CSGALNACT1: variants seen among roughly 807,000 people sequenced by gnomAD.
CSGALNACT1 encodes the protein chondroitin sulfate N-acetylgalactosaminyltransferase 1, also known as beta4GalNAcT-1.
Under a neutral mutation model 51.0 loss-of-function variants are expected in CSGALNACT1, and 52 were observed. That is an observed-to-expected ratio of 1.02 (90% CI 0.82 to 1.29). The LOEUF is 1.29. CSGALNACT1 is among the 50% of genes most tolerant of loss of function. The pLI is 0.00. For synonymous variants in CSGALNACT1, 341 were observed against 254.4 expected (o/e 1.34, Z -3.24); for missense variants, 935 against 679.2 (o/e 1.38, Z -4.19).
intron 1 of CSGALNACT1, among the ~76,000 whole-genome samples, chr8:19,643,117 T>G (rs117026322): frequency 0.032 from 4,896 of 152,128 alleles, 108 homozygotes; most frequent in Non-Finnish European, 0.049. Flanking sequence ...AATTTACCTT[T>G]ATATAGTAAG....
At chr8:19,493,605 G>C (rs1249448195) in intron 4 of CSGALNACT1, among the ~76,000 whole-genome samples, 1 of 152,140 alleles carries the variant, frequency 6.6e-6, no homozygotes, top group Admixed American at 6.5e-5. Context: ...TGTAGTCTTT[G>C]ACATCTGGTT....
intron 1 of CSGALNACT1, among the ~76,000 whole-genome samples, chr8:19,713,403 C>A (rs1437475703): frequency 6.6e-6 from 1 of 152,100 alleles, no homozygotes; most frequent in East Asian, 1.9e-4. Flanking sequence ...GGGATGAAGA[C>A]TTAGTAAGTG....
intron 1 of CSGALNACT1, among the ~76,000 whole-genome samples, chr8:19,657,841 A>G (rs1247016637): frequency 6.6e-6 from 1 of 152,106 alleles, no homozygotes; most frequent in Non-Finnish European, 1.5e-5. Context: ...CCACTGGGAA[A>G]ATAAGTGGAG....
chr8:19,444,878 G>A (rs2061870861), intron 5 of CSGALNACT1, among the ~76,000 whole-genome samples: 1 of 152,120 alleles, frequency 6.6e-6, no homozygotes. Context: ...AGTGAAGGAG[G>A]GATAAAGTTT....
In CSGALNACT1 at chr8:19,554,875, G is replaced by T. The variant is rs4344101; in HGVS notation, c.-297+36285C>A. Among the ~76,000 whole-genome samples the T allele has an allele frequency of 4.0e-4, 61 of 151,948 alleles. 1 individual carries two copies. The highest frequency in any genetic ancestry group is 1.2e-3 in the Admixed American group (18 of 15,256). On this transcript the variant is annotated intron_variant, in intron 3 of 9. Coordinates refer to ENST00000454498, the Ensembl canonical transcript of CSGALNACT1. ...GGCAGTTGCAGTGAGCCAAGATCCCGCCACTGCATTGCAGCCTGGGTGACA... is the reference window on the plus strand; with the variant it reads ...GGCAGTTGCAGTGAGCCAAGATCCCTCCACTGCATTGCAGCCTGGGTGACA...
At chr8:19,523,445 C>G (rs1043175981) in intron 3 of CSGALNACT1, among the ~76,000 whole-genome samples, 1 of 150,944 alleles carries the variant, frequency 6.6e-6, no homozygotes, top group South Asian at 2.1e-4. Flanking sequence ...TTTTTTTTTA[C>G]TTTTTGTGGA....
At chr8:19,521,334 A>G (rs1430573841) in intron 3 of CSGALNACT1, among the ~76,000 whole-genome samples, 1 of 152,170 alleles carries the variant, frequency 6.6e-6, no homozygotes, top group Non-Finnish European at 1.5e-5. Flanking sequence ...TACAGCACTA[A>G]AGACAGAGGA....
chr8:19,524,505 G>C (rs2081302121), intron 3 of CSGALNACT1, among the ~76,000 whole-genome samples: 1 of 151,952 alleles, frequency 6.6e-6, no homozygotes, highest in Admixed American at 6.6e-5. Flanking sequence ...CCCAGGGCAA[G>C]GTGAAAATAC....
intron 5 of CSGALNACT1, among the ~76,000 whole-genome samples, chr8:19,452,520 G>A (rs2063359246): frequency 1.3e-5 from 2 of 151,976 alleles, no homozygotes; most frequent in Non-Finnish European, 2.9e-5. Flanking sequence ...GAGGAGAAGG[G>A]ATGAGACATG....
intron 1 of CSGALNACT1, among the ~76,000 whole-genome samples, chr8:19,648,881 G>A (rs915019143): frequency 1.3e-5 from 2 of 152,064 alleles, no homozygotes; most frequent in South Asian, 2.1e-4. Context: ...TCCATGAAAC[G>A]GAATACAGTA....
chr8:19,688,427 C>A (rs1004218103), intron 1 of CSGALNACT1, among the ~76,000 whole-genome samples: 1 of 152,118 alleles, frequency 6.6e-6, no homozygotes. Context: ...CAAGGGGTCA[C>A]GCAGGTGGTG....
chr8:19,603,507 TGCAGTTG>T (rs2050881727), upstream of CSGALNACT1, among the ~76,000 whole-genome samples: 1 of 152,210 alleles, frequency 6.6e-6, no homozygotes, highest in African/African-American at 2.4e-5. Context: ...TACACCAAAT[TGCAGTTG>T]GCAGCAACGC....
At chr8:19,681,681 G>A (rs2060630599) in intron 1 of CSGALNACT1, among the ~76,000 whole-genome samples, 1 of 152,166 alleles carries the variant, frequency 6.6e-6, no homozygotes, top group Admixed American at 6.5e-5. Flanking sequence ...CACCTCATCT[G>A]GCCTGGATGT....
intron 1 of CSGALNACT1, among the ~76,000 whole-genome samples, chr8:19,741,550 G>C (rs1331971997): frequency 8.5e-6 from 1 of 118,172 alleles, no homozygotes; most frequent in East Asian, 2.4e-4. Context: ...GCGAAAGAGT[G>C]AGACTCCATC....
chr8:19,462,042 G>C (rs1011114506), intron 4 of CSGALNACT1, among the ~76,000 whole-genome samples: 14 of 152,234 alleles, frequency 9.2e-5, no homozygotes, highest in South Asian at 6.2e-4. Context: ...TCGCCGTGGA[G>C]GGTGTATCTG....
At chr8:19,468,838 T>TA (rs1375165455) in intron 4 of CSGALNACT1, among the ~76,000 whole-genome samples, 2 of 152,136 alleles carry the variant, frequency 1.3e-5, no homozygotes, top group African/African-American at 4.8e-5. Flanking sequence ...CCCCACTGTG[T>TA]AAGCTGAAGC....
chr8:19,722,678 C>A (rs1589697445), intron 1 of CSGALNACT1, among the ~76,000 whole-genome samples: 1 of 152,306 alleles, frequency 6.6e-6, no homozygotes, highest in African/African-American at 2.4e-5. Context: ...TGACCAGAGT[C>A]ATGGATGGGC....
rs774576712 is a variant in CSGALNACT1, at chr8:19,418,731, T to A, written c.1152A>T (p.Pro384=). Reference sequence around the variant, plus strand: ...CAGGATTGTACTGACTGAAAAGAACTGGATAAAATACCTTCTTCCCTACAA... The same window carrying A: ...CAGGATTGTACTGACTGAAAAGAACAGGATAAAATACCTTCTTCCCTACAA... Residue 384 remains proline, a synonymous_variant, in exon 8 of 10, where the codon CCA becomes CCT. Coordinates refer to ENST00000454498, the Ensembl canonical transcript of CSGALNACT1. 25 of 1,611,462 alleles carry A rather than the reference T, an allele frequency of 1.6e-5. No individual in the cohort carries two copies. The highest frequency in any genetic ancestry group is 2.1e-5 in the Non-Finnish European group (25 of 1,177,636).
At chr8:19,436,586 A>C (rs1192389515) in intron 6 of CSGALNACT1, among the ~76,000 whole-genome samples, 1 of 152,220 alleles carries the variant, frequency 6.6e-6, no homozygotes, top group Admixed American at 6.5e-5. Context: ...TGTTTAAATA[A>C]AGTTTCATGT....
Sources: gnomAD v4.1 joint callset for allele counts (sites outside exome capture counted in the v4.1 genomes callset) on GRCh38, gnomAD v4.1.1 for gene constraint, MANE v1.5 for transcripts, NCBI Gene and HGNC (gene_info 2026-07-23, HGNC 2026-07-21) for gene names.